Variants in GDAP1 observed in about 807,000 individuals in gnomAD.
GDAP1 encodes the protein ganglioside induced differentiation associated protein 1.
GDAP1 carries 34 observed loss-of-function variants against 40.1 expected under a neutral mutation model. That is an observed-to-expected ratio of 0.85 (90% CI 0.64 to 1.13). The LOEUF is 1.13. Ranked by LOEUF, GDAP1 falls within the 50% of genes most tolerant of loss-of-function variation. The probability of loss-of-function intolerance (pLI) is 0.00; values close to 1 mark genes in which losing one functional copy is unlikely to be tolerated. For synonymous variants in GDAP1, 170 were observed against 157.4 expected, an observed-to-expected ratio of 1.08 and a Z score of -0.60; for missense variants, 374 against 433.7, an observed-to-expected ratio of 0.86 and a Z score of 1.22.
intron 2 of GDAP1, among the ~76,000 whole-genome samples, chr8:74,357,126 AAAAT>A (rs1383043281): frequency 1.3e-5 from 2 of 152,218 alleles, no homozygotes; most frequent in Non-Finnish European, 2.9e-5. Context: ...CAGTCTAAGT[AAAAT>A]AAACAGCAAA....
chr8:74,362,783 TC>T (rs1351294190), intron 4 of GDAP1, among the ~76,000 whole-genome samples, 155 bp from the exon 5 acceptor site: 25 of 74,414 alleles, frequency 3.4e-4, no homozygotes, highest in Non-Finnish European at 5.8e-4. Context: ...TCTCTCTCTC[TC>T]TTTTTTTTTT....
intron 2 of GDAP1, among the ~76,000 whole-genome samples, chr8:74,457,131 C>A (rs1049938517): frequency 1.6e-4 from 24 of 151,940 alleles, no homozygotes; most frequent in African/African-American, 5.8e-4. Context: ...ATTCAAGACC[C>A]CTTTTTGGCT....
At position 74,451,894 on chromosome 8, in the gene GDAP1, A is replaced by C. The variant is rs1238586107; in HGVS notation, c.166-36784A>C. ...TTTTGTTTTATAGCAGTTGACATAA[A>C]TGTGCCTTGGTATGCTGCTCTTTAT... On this transcript the variant is annotated intron_variant, in intron 2 of 2. Transcript: ENST00000523640. 2.6e-5 allele frequency among the ~76,000 whole-genome samples: 2 copies of C among 77,156 alleles called. 1 individual carries two copies. 50.6% of individuals were successfully genotyped at this position (77,156 alleles called of 152,430 possible). A position where few individuals can be genotyped will look rare whatever the true frequency, so the allele number is the denominator to read the frequency against.
At chr8:74,378,784 C>G (rs1020740899) in intron 2 of GDAP1, among the ~76,000 whole-genome samples, 4 of 152,194 alleles carry the variant, frequency 2.6e-5, no homozygotes. Flanking sequence ...GGGCCTCACT[C>G]ACACATATGT....
At chr8:74,412,079 C>T (rs1456215297) in intron 2 of GDAP1, among the ~76,000 whole-genome samples, 1 of 149,700 alleles carries the variant, frequency 6.7e-6, no homozygotes, top group Non-Finnish European at 1.5e-5. Flanking sequence ...GGGACATTTT[C>T]TTAGCGATGT....
At chr8:74,417,895 A>G (rs992157418) in intron 2 of GDAP1, among the ~76,000 whole-genome samples, 11 of 152,216 alleles carry the variant, frequency 7.2e-5, no homozygotes. Flanking sequence ...CTACTTTTAT[A>G]TGCTAGGAAT....
At position 74,387,824 on chromosome 8, in the gene GDAP1, T is replaced by G. The variant is rs137977551; in HGVS notation, c.165+36503T>G. 5.6e-3 allele frequency among the ~76,000 whole-genome samples: 852 copies of G among 152,234 alleles called. 9 individuals are homozygous for G. The highest frequency in any genetic ancestry group is 0.019 in the African/African-American group (791 of 41,558). ...TCCATCTGGTTCTGGGCTTTTTTTG[T>G]TTGGTAGGCTATTAATTACTGCCTC... On this transcript the variant is annotated intron_variant, in intron 2 of 2. Coordinates refer to the GDAP1 transcript ENST00000523640.
chr8:74,485,593 A>G (rs529925353), intron 2 of GDAP1, among the ~76,000 whole-genome samples: 7 of 152,260 alleles, frequency 4.6e-5, no homozygotes, highest in African/African-American at 1.7e-4. Context: ...CCAAAGTGTT[A>G]TGTTATTATT....
rs1264832752 is a variant in GDAP1, at chr8:74,471,098, GT to G, written c.166-17573del. ...CCTTCACCCACTTTTTGATGGGGTT[GT>G]TTTTTTCTTGTAAATTTGTTTGAGT... On this transcript the variant is annotated intron_variant, in intron 2 of 2. Coordinates refer to the GDAP1 transcript ENST00000523640. 4.6e-5 allele frequency among the ~76,000 whole-genome samples: 7 copies of G among 152,138 alleles called. 1 individual carries two copies. In the Middle Eastern group the frequency reaches 0.017, roughly 372 times the overall value.
chr8:74,433,367 G>A (rs915679992), intron 2 of GDAP1, among the ~76,000 whole-genome samples: 2 of 152,072 alleles, frequency 1.3e-5, no homozygotes, highest in East Asian at 1.9e-4. Flanking sequence ...ATTTGGTCTT[G>A]TTTAATACTA....
intron 2 of GDAP1, among the ~76,000 whole-genome samples, chr8:74,455,929 G>T (rs566574777): frequency 6.6e-6 from 1 of 152,022 alleles, no homozygotes; most frequent in South Asian, 2.1e-4. Flanking sequence ...AAGAGTAACA[G>T]AATATTTAGT....
At chr8:74,353,260 T>C (rs1563438627) in intron 2 of GDAP1, among the ~76,000 whole-genome samples, 1 of 152,180 alleles carries the variant, frequency 6.6e-6, no homozygotes, top group African/African-American at 2.4e-5. Flanking sequence ...AGTGCAGACT[T>C]TAATTCTGGT....
intron 2 of GDAP1, among the ~76,000 whole-genome samples, chr8:74,423,998 C>T (rs761896730): frequency 7.9e-5 from 12 of 152,106 alleles, no homozygotes; most frequent in Non-Finnish European, 1.0e-4. Context: ...CAGGTTTTAT[C>T]TCCTTTTGAA....
intron 2 of GDAP1, among the ~76,000 whole-genome samples, chr8:74,422,493 C>CCT (rs1805889490): frequency 2.9e-5 from 3 of 104,742 alleles, no homozygotes; most frequent in African/African-American, 9.5e-5. Flanking sequence ...TCCCTCCTTT[C>CCT]TCCTTCCTTC....
At chr8:74,376,273 A>C (rs953158321) in intron 2 of GDAP1, among the ~76,000 whole-genome samples, 2 of 152,136 alleles carry the variant, frequency 1.3e-5, no homozygotes, top group Non-Finnish European at 2.9e-5. Context: ...TTAATCTAAA[A>C]TTTATGTGAA....
intron 2 of GDAP1, 30 bp from the exon 3 acceptor site, chr8:74,360,107 T>C (rs1467425404): frequency 1.9e-6 from 3 of 1,567,640 alleles, no homozygotes; most frequent in Non-Finnish European, 1.8e-6. Flanking sequence ...GTGTAACTTT[T>C]TCTTCAATAT....
At chr8:74,377,935 A>G (rs7813560) in intron 2 of GDAP1, among the ~76,000 whole-genome samples, 50,711 of 151,910 alleles carry the variant, frequency 0.33, 8,633 homozygotes, top group African/African-American at 0.38. Context: ...AATACAATTC[A>G]TAGATAAAAA....
At chr8:74,455,025 T>C (rs1454136996) in intron 2 of GDAP1, among the ~76,000 whole-genome samples, 3 of 152,024 alleles carry the variant, frequency 2.0e-5, no homozygotes, top group African/African-American at 7.2e-5. Context: ...AATGCCAGTC[T>C]GTTGACTAAT....
At chr8:74,405,150 G>T (rs972673293) in intron 2 of GDAP1, among the ~76,000 whole-genome samples, 1 of 149,970 alleles carries the variant, frequency 6.7e-6, no homozygotes. Flanking sequence ...GCAAAAGGAC[G>T]TCATACATGG....
Sources: allele counts gnomAD v4.1 joint callset (sites outside exome capture counted in the v4.1 genomes callset), GRCh38; gene constraint gnomAD v4.1.1; transcripts MANE v1.5; gene names NCBI Gene and HGNC (gene_info 2026-07-23, HGNC 2026-07-21).